The following ANKMY2 variants were observed in gnomAD, a reference collection of about 807,000 sequenced individuals.
The protein encoded by ANKMY2 is ankyrin repeat and MYND domain-containing protein 2.
ANKMY2 carries 36 observed loss-of-function variants against 50.4 expected under a neutral mutation model. The ratio of observed to expected loss-of-function variants is 0.71; its 90% confidence interval spans 0.55 to 0.94. The LOEUF is 0.94. ANKMY2 is among the 40% of genes least tolerant of loss of function. The pLI is 0.00. For missense variants in ANKMY2, 565 were observed against 524.0 expected, an observed-to-expected ratio of 1.08 and a Z score of -0.76; for synonymous variants, 187 against 178.8, an observed-to-expected ratio of 1.05 and a Z score of -0.36.
At chr7:16,630,810 G>C (rs541948142) in intron 2 of ANKMY2, among the ~76,000 whole-genome samples, 9 of 152,230 alleles carry the variant, frequency 5.9e-5, no homozygotes, top group Non-Finnish European at 8.8e-5. Context: ...GGAATGTCCC[G>C]CTGAAAAGGT....
At chr7:16,604,962 A>C in intron 7 of ANKMY2, 113 bp from the exon 8 acceptor site, 1 of 1,075,252 alleles carries the variant, frequency 9.3e-7, no homozygotes, top group Non-Finnish European at 1.3e-6. Context: ...AAAAGGAAGA[A>C]ATCATTAAGG....
chr7:16,608,577 G>A (rs1379715361), intron 7 of ANKMY2, among the ~76,000 whole-genome samples: 1 of 152,168 alleles, frequency 6.6e-6, no homozygotes, highest in Admixed American at 6.5e-5. Flanking sequence ...GCCAGAGGGA[G>A]GGAGGAAGCC....
chr7:16,623,501 T>A (rs993072163), intron 4 of ANKMY2, among the ~76,000 whole-genome samples: 1 of 152,308 alleles, frequency 6.6e-6, no homozygotes, highest in African/African-American at 2.4e-5. Flanking sequence ...TTTTGTTACA[T>A]TGTGGATATA....
chr7:16,612,125 A>C lies in ANKMY2; in HGVS notation c.532-1362T>G, dbSNP rs568948028. ...GGACACAACTGTATGCACAGAGCAG[A>C]CAGCCAGTCAGTACTTGCTAACCTA... On this transcript the variant is annotated intron_variant, in intron 5 of 9. Coordinates refer to ENST00000306999, the MANE Select transcript of ANKMY2 (RefSeq NM_020319.3). Among the ~76,000 whole-genome samples the C allele has an allele frequency of 7.9e-5, 12 of 152,342 alleles. No individual in the cohort carries two copies. In the South Asian group the frequency reaches 2.3e-3, roughly 29 times the overall value.
At chr7:16,617,245 G>C (rs993210055) in intron 4 of ANKMY2, among the ~76,000 whole-genome samples, 1 of 152,116 alleles carries the variant, frequency 6.6e-6, no homozygotes, top group East Asian at 1.9e-4. Flanking sequence ...TAACCCACTT[G>C]CATTAGATTT....
chr7:16,610,789 G>A, intron 5 of ANKMY2, 26 bp from the exon 6 acceptor site: 6 of 1,598,538 alleles, frequency 3.8e-6, no homozygotes, highest in East Asian at 4.5e-5. Flanking sequence ...GTGTACTCAG[G>A]TATTAAAGGA....
intron 7 of ANKMY2, among the ~76,000 whole-genome samples, chr7:16,607,679 T>G: frequency 1.8e-5 from 1 of 56,472 alleles, no homozygotes; most frequent in Admixed American, 2.4e-4. Context: ...TTTTTTTTTT[T>G]TTTTTTTTTT....
chr7:16,627,220 A>G (rs1298477662), intron 2 of ANKMY2, 42 bp from the exon 3 acceptor site: 2 of 1,412,048 alleles, frequency 1.4e-6, no homozygotes, highest in Non-Finnish European at 1.9e-6. Context: ...TTACTGTTTT[A>G]TCTTTTCTGT....
In ANKMY2 at chr7:16,645,490, C is replaced by G. The variant is rs1333461094; in HGVS notation, c.67+17G>C. ...GGCCAGGCTGGCCGCGGCCGCGTCGCAGCCCAGCACCCGTACCTTTCCCGA... is the reference window on the plus strand; with the variant it reads ...GGCCAGGCTGGCCGCGGCCGCGTCGGAGCCCAGCACCCGTACCTTTCCCGA... On this transcript the variant is annotated intron_variant, in intron 1 of 9. Transcript: ENST00000306999. 6.3e-7 allele frequency: 1 copy of G among 1,598,410 alleles called. No individual in the cohort carries two copies. The highest frequency in any genetic ancestry group is 2.3e-5 in the East Asian group (1 of 43,576).
At chr7:16,638,987 T>G (rs1236359740) in intron 1 of ANKMY2, among the ~76,000 whole-genome samples, 1 of 152,168 alleles carries the variant, frequency 6.6e-6, no homozygotes, top group Admixed American at 6.5e-5. Context: ...AAGGTTAGCC[T>G]TTTGAAATGC....
chr7:16,618,888 T>A (rs945796963), intron 4 of ANKMY2, among the ~76,000 whole-genome samples: 1 of 143,894 alleles, frequency 6.9e-6, no homozygotes, highest in African/African-American at 2.5e-5. Flanking sequence ...AAAATCTACA[T>A]CCAGCTTCAA....
chr7:16,623,669 G>T (rs1290417186), intron 4 of ANKMY2, among the ~76,000 whole-genome samples: 1 of 152,114 alleles, frequency 6.6e-6, no homozygotes, highest in Non-Finnish European at 1.5e-5. Context: ...CAAGTCTCCA[G>T]ATTCCTACTT....
chr7:16,601,367 G>A (rs1006761508), intron 9 of ANKMY2, among the ~76,000 whole-genome samples: 1 of 152,234 alleles, frequency 6.6e-6, no homozygotes, highest in African/African-American at 2.4e-5. Context: ...AAAGTTGTCT[G>A]TAACATTTAG....
intron 7 of ANKMY2, among the ~76,000 whole-genome samples, chr7:16,606,418 G>T (rs1289451762): frequency 8.4e-6 from 1 of 119,182 alleles, no homozygotes; most frequent in African/African-American, 3.3e-5. Context: ...GACAGTGCAA[G>T]ACCTTGTATT....
At chr7:16,603,063 G>A (rs1238754776) in intron 8 of ANKMY2, among the ~76,000 whole-genome samples, 1 of 152,166 alleles carries the variant, frequency 6.6e-6, no homozygotes, top group African/African-American at 2.4e-5. Flanking sequence ...GCCTAACACA[G>A]TATCTTTGTA....
At chr7:16,645,466 G>A (rs1276650288) in intron 1 of ANKMY2, 41 bp downstream of exon 1, 30 of 1,573,104 alleles carry the variant, frequency 1.9e-5, no homozygotes, top group Non-Finnish European at 2.4e-5. Flanking sequence ...ACGCCCCCCG[G>A]CCAGGCTGGC....
chr7:16,622,753 T>C (rs1259656490), intron 4 of ANKMY2, among the ~76,000 whole-genome samples: 1 of 14,890 alleles, frequency 6.7e-5, no homozygotes, highest in Non-Finnish European at 1.9e-4. Context: ...AATAAATGAA[T>C]AAATAAATAA....
chr7:16,600,879 G>A lies in ANKMY2; in HGVS notation c.1208C>T (p.Ser403Phe). 1 of 1,612,732 alleles carries A rather than the reference G, an allele frequency of 6.2e-7. No homozygotes were observed. The highest frequency in any genetic ancestry group is 8.5e-7 in the Non-Finnish European group (1 of 1,179,322). Residue 403 changes from serine to phenylalanine, a missense_variant, in exon 10 of 10, where the codon TCT (serine) becomes TTT (phenylalanine). Ser to Phe is a radical substitution (Grantham distance 155). Coordinates refer to ENST00000306999, the MANE Select transcript of ANKMY2 (RefSeq NM_020319.3). ...ATCTTCAGGATTGGAATCCTTTTGA[G>A]AGATACCTACTTCAGCCTCTGGTTG... Reference protein sequence around the residue: ...EEQPEAEVGISQKDSNPEDSG... With the variant: ...EEQPEAEVGIFQKDSNPEDSG...
In ANKMY2 at chr7:16,599,960, T is replaced by G. The variant is rs1200478873; in HGVS notation, c.*801A>C. On this transcript the variant is annotated 3_prime_UTR_variant, in exon 10 of 10. Transcript: ENST00000306999. ...GAAAGGAAGTGCTCCATGAAAAGCT[T>G]ATAGCAAGATAACTCAGGCTTTCAG... The G allele has an allele frequency of 6.6e-6, 1 of 152,220 alleles. No homozygotes were observed. Among genetic ancestry groups the G allele is most frequent in the Non-Finnish European group, 1.5e-5 (1 of 68,046 alleles). 9.4% of individuals were successfully genotyped at this position (152,220 alleles called of 1,614,324 possible). A position where few individuals can be genotyped will look rare whatever the true frequency, so the allele number is the denominator to read the frequency against.
Sources: gnomAD v4.1 joint callset for allele counts (sites outside exome capture counted in the v4.1 genomes callset) on GRCh38, gnomAD v4.1.1 for gene constraint, MANE v1.5 for transcripts, NCBI Gene and HGNC (gene_info 2026-07-23, HGNC 2026-07-21) for gene names.